GBE1: variants seen among roughly 807,000 people sequenced by gnomAD.
GBE1 encodes the protein 1,4-alpha-glucan branching enzyme 1.
Under a neutral mutation model 88.8 loss-of-function variants are expected in GBE1, and 70 were observed. That is an observed-to-expected ratio of 0.79 (90% confidence interval 0.65 to 0.96). The LOEUF (loss-of-function observed/expected upper bound fraction) is 0.96. Ranked by LOEUF, GBE1 falls within the 40% of genes least tolerant of loss-of-function variation. GBE1 has a pLI of 0.00. For synonymous variants in GBE1, 284 were observed against 300.1 expected, an observed-to-expected ratio of 0.95 and a Z score of 0.56; for missense variants, 872 against 871.0, an observed-to-expected ratio of 1.00 and a Z score of -0.01.
chr3:81,596,948 C>G (rs948198569), intron 7 of GBE1, among the ~76,000 whole-genome samples: 2 of 151,952 alleles, frequency 1.3e-5, no homozygotes, highest in African/African-American at 4.8e-5. Context: ...TATTTCTACT[C>G]TCATAATTTC....
At chr3:81,720,435 CAG>C (rs1439404032) in intron 1 of GBE1, among the ~76,000 whole-genome samples, 7 of 151,298 alleles carry the variant, frequency 4.6e-5, no homozygotes, top group African/African-American at 1.7e-4. Context: ...TCCGATGAAA[CAG>C]AATAGGTCTG....
chr3:81,629,536 A>T (rs1305556451), intron 7 of GBE1, among the ~76,000 whole-genome samples: 1 of 152,080 alleles, frequency 6.6e-6, no homozygotes, highest in African/African-American at 2.4e-5. Context: ...TAACCACCTA[A>T]CTCAATAAAT....
At chr3:81,620,275 C>A (rs934347520) in intron 7 of GBE1, among the ~76,000 whole-genome samples, 1 of 151,634 alleles carries the variant, frequency 6.6e-6, no homozygotes, top group African/African-American at 2.4e-5. Context: ...CTCCACCTCC[C>A]GGGTTCAAGT....
At chr3:81,524,519 T>G (rs1484611683) in intron 14 of GBE1, among the ~76,000 whole-genome samples, 1 of 151,932 alleles carries the variant, frequency 6.6e-6, no homozygotes, top group African/African-American at 2.4e-5. Context: ...TGATTGCCTA[T>G]GCTTAGTTTA....
intron 7 of GBE1, among the ~76,000 whole-genome samples, chr3:81,599,178 T>C (rs1703998442): frequency 6.6e-6 from 1 of 152,288 alleles, no homozygotes; most frequent in South Asian, 2.1e-4. Context: ...AATAAAATAC[T>C]TGAGAAATTT....
At chr3:81,518,384 T>C (rs962442394) in intron 14 of GBE1, among the ~76,000 whole-genome samples, 1 of 151,434 alleles carries the variant, frequency 6.6e-6, no homozygotes, top group Non-Finnish European at 1.5e-5. Flanking sequence ...CAAAACTAAA[T>C]ACATTCGTGT....
chr3:81,647,394 T>G (rs1704780516), intron 5 of GBE1, among the ~76,000 whole-genome samples: 1 of 152,214 alleles, frequency 6.6e-6, no homozygotes, highest in Non-Finnish European at 1.5e-5. Context: ...TTTCTCCATC[T>G]GAATATGTTT....
intron 1 of GBE1, among the ~76,000 whole-genome samples, chr3:81,754,815 C>T (rs1041777171): frequency 1.3e-5 from 2 of 152,022 alleles, no homozygotes; most frequent in African/African-American, 4.8e-5. Flanking sequence ...TCATCATACA[C>T]AAAAATCAAA....
intron 3 of GBE1, 45 bp downstream of exon 3, chr3:81,670,793 A>C (rs377303407): frequency 2.6e-5 from 28 of 1,058,292 alleles, no homozygotes; most frequent in Non-Finnish European, 3.5e-5. Context: ...AACAAGATAA[A>C]AAGAAAATGA....
At chr3:81,624,254 G>A (rs1232009386) in intron 7 of GBE1, among the ~76,000 whole-genome samples, 1 of 152,086 alleles carries the variant, frequency 6.6e-6, no homozygotes, top group African/African-American at 2.4e-5. Flanking sequence ...AGAAAACATG[G>A]GGGAAATGCC....
At chr3:81,691,192 T>G (rs916747750) in intron 2 of GBE1, among the ~76,000 whole-genome samples, 3 of 152,142 alleles carry the variant, frequency 2.0e-5, no homozygotes, top group Non-Finnish European at 4.4e-5. Context: ...CGATCTTAAA[T>G]GAGAAAAGAT....
chr3:81,606,173 T>C (rs1012921627), intron 7 of GBE1, among the ~76,000 whole-genome samples: 3 of 152,172 alleles, frequency 2.0e-5, no homozygotes, highest in Non-Finnish European at 4.4e-5. Context: ...CTCTAGGAAA[T>C]AAAAGTCTAT....
chr3:81,625,133 G>A (rs1704394912), intron 7 of GBE1, among the ~76,000 whole-genome samples: 1 of 151,814 alleles, frequency 6.6e-6, no homozygotes, highest in Non-Finnish European at 1.5e-5. Flanking sequence ...GGGATGTGTG[G>A]TGTGGGGAAG....
At position 81,535,315 on chromosome 3, in the gene GBE1, C is replaced by T. The variant is rs574174814; in HGVS notation, c.1814G>A (p.Ser605Asn). Reference sequence around the variant, plus strand: ...GATCTTATTGCCTTCATGTTTTTCACTCACGTAGGCCTGCAAGAATTAGCA... The same window carrying T: ...GATCTTATTGCCTTCATGTTTTTCATTCACGTAGGCCTGCAAGAATTAGCA... ...GWLAAPQAYVSEKHEGNKIIA... is the reference protein window; with the variant it reads ...GWLAAPQAYVNEKHEGNKIIA... The change falls in exon 14 of 16, where the codon AGT (serine) becomes AAT (asparagine). Residue 605 changes from serine (S) to asparagine (N), a missense_variant. Ser to Asn is a conservative substitution (Grantham distance 46). Transcript: ENST00000429644. 15 of 1,607,684 alleles carry T rather than the reference C, an allele frequency of 9.3e-6. No homozygotes were observed. The African/African-American group carries it at 2.0e-4, about 22-fold the overall frequency.
Position 81,577,989 on chromosome 3 carries a change from C to T in GBE1, c.1554G>A (p.Gln518=). The part of the protein sequence containing the change: ...PFTPVIDRGI[Q]LHKMIRLITH... ...TAATGAGTCGAATCATTTTATGAAG[C>T]TGTATTCCACGATCAATAACTGGAG... Residue 518 remains glutamine, a synonymous_variant, in exon 12 of 16, where the codon CAG becomes CAA. Transcript: ENST00000429644. The T allele has an allele frequency of 1.9e-6, 3 of 1,608,972 alleles. No individual in the cohort carries two copies. The highest frequency in any genetic ancestry group is 2.5e-6 in the Non-Finnish European group (3 of 1,178,056).
intron 14 of GBE1, among the ~76,000 whole-genome samples, chr3:81,533,327 AGATAACC>A (rs571493488): frequency 1.5e-3 from 227 of 152,184 alleles, no homozygotes; most frequent in African/African-American, 5.3e-3. Flanking sequence ...TCTTTAGTGT[AGATAACC>A]CATCACATTG....
At chr3:81,740,256 T>C (rs1156824945) in intron 1 of GBE1, among the ~76,000 whole-genome samples, 1 of 144,846 alleles carries the variant, frequency 6.9e-6, no homozygotes, top group African/African-American at 2.6e-5. Context: ...AACCAATACA[T>C]ATTACAGTGT....
chr3:81,659,704 A>G (rs79059264), intron 3 of GBE1, among the ~76,000 whole-genome samples: 1 of 146,472 alleles, frequency 6.8e-6, no homozygotes, highest in Non-Finnish European at 1.5e-5. Context: ...GCATGGAGGG[A>G]AAAAAAAGAA....
chr3:81,697,456 T>C (rs146267091), intron 2 of GBE1, among the ~76,000 whole-genome samples: 2,125 of 152,096 alleles, frequency 0.014, 93 homozygotes, highest in Admixed American at 0.069. Flanking sequence ...CCTGCCACCA[T>C]GCCCAGCTAA....
Sources: gnomAD v4.1 joint callset for allele counts (sites outside exome capture counted in the v4.1 genomes callset) on GRCh38, gnomAD v4.1.1 for gene constraint, MANE v1.5 for transcripts, NCBI Gene and HGNC (gene_info 2026-07-23, HGNC 2026-07-21) for gene names.